The following PLS3 variants were observed in gnomAD, a reference collection of about 807,000 sequenced individuals.
PLS3 encodes the protein plastin-3.
Under a neutral mutation model 46.5 loss-of-function variants are expected in PLS3, and 11 were observed. The observed-to-expected ratio is 0.24, with a 90% confidence interval of 0.15 to 0.39. The LOEUF (loss-of-function observed/expected upper bound fraction) is 0.39, where lower values mean the gene tolerates loss of function less well. Among genes scored for constraint, PLS3 ranks in the 10% least tolerant of loss-of-function variants. The pLI is 1.00. For missense variants in PLS3, 308 were observed against 461.8 expected, an observed-to-expected ratio of 0.67 and a Z score of 3.05; for synonymous variants, 167 against 162.2, an observed-to-expected ratio of 1.03 and a Z score of -0.22.
At chrX:115,647,402 C>T (rs2147590121) in intron 13 of PLS3, 148 bp from the exon 14 acceptor site, 1 of 527,888 alleles carries the variant, frequency 1.9e-6, no homozygotes, top group African/African-American at 2.4e-5. Flanking sequence ...CCACTGCACT[C>T]CAGCCTGGGC....
intron 2 of PLS3, among the ~76,000 whole-genome samples, chrX:115,611,342 C>T (rs183454476): frequency 2.7e-5 from 3 of 111,480 alleles, no homozygotes; most frequent in Non-Finnish European, 3.8e-5. Context: ...CATGATCGCG[C>T]GCACGCGCGT....
Position 115,614,495 on chromosome X carries a change from AACTGCCTC to A in PLS3, c.73+4173_73+4180del. On this transcript the variant is annotated intron_variant, in intron 2 of 15. Transcript: ENST00000355899. ...GTCTACCCTTAGCTGGAACTCATTA[AACTGCCTC>A]TTATATTTGCTGCAGTGAGCTACCT... is the stretch of plus-strand genomic sequence containing the variant. 5 of 751,329 alleles carry A rather than the reference AACTGCCTC, an allele frequency of 6.7e-6. No individual in the cohort carries two copies. In the South Asian group the frequency reaches 2.7e-4, roughly 41 times the overall value. The allele number at this position is 751,329 out of a possible 1,213,427, so 61.9% of individuals were successfully genotyped here.
chrX:115,573,049 C>T (rs1486571296), intron 1 of PLS3, among the ~76,000 whole-genome samples: 30 of 98,283 alleles, frequency 3.1e-4, no homozygotes, highest in African/African-American at 8.9e-4. Flanking sequence ...GCCGGGATTG[C>T]GCCATTGCAC....
intron 2 of PLS3, among the ~76,000 whole-genome samples, chrX:115,616,560 G>T (rs1351371400): frequency 8.9e-6 from 1 of 112,209 alleles, no homozygotes; most frequent in East Asian, 2.8e-4. Context: ...CACCTGATGA[G>T]ATGGAAGCTT....
At chrX:115,620,706 CTTTTTTTTTTTTTTTTT>C (rs1176959674) in intron 2 of PLS3, among the ~76,000 whole-genome samples, 4 of 54,732 alleles carry the variant, frequency 7.3e-5, no homozygotes, top group African/African-American at 3.2e-4. Flanking sequence ...TTTTTCTTTT[CTTTTTTTTTTTTTTTTT>C]TTTTTTTGAG....
rs1352580018 is a variant in PLS3 at position 115,618,383 on chromosome X, G to A, written c.74-3863G>A. Reference sequence around the variant, plus strand: ...ATTTGAGGCCAGGAGTTTGAGATTAGCCTGGTCAATATAGTGAGACCCTGT... The same window carrying A: ...ATTTGAGGCCAGGAGTTTGAGATTAACCTGGTCAATATAGTGAGACCCTGT... On this transcript the variant is annotated intron_variant, in intron 2 of 15. Coordinates refer to ENST00000355899, the MANE Select transcript of PLS3 (RefSeq NM_005032.7). Among the ~76,000 whole-genome samples, 6 of 110,958 alleles carry A rather than the reference G, an allele frequency of 5.4e-5. No individual in the cohort carries two copies. The Admixed American group carries it at 5.8e-4, about 11-fold the overall frequency.
At position 115,646,499 on chromosome X, in the gene PLS3, C is replaced by T; in HGVS notation, c.1475C>T (p.Thr492Ile). ...CAAGACCTGAATGATGGGAACCAAA[C>T]CCTGACTTTAGCTTTAGTCTGGCAG... ...GGQDLNDGNQ[T>I]LTLALVWQLM... Residue 492 changes from threonine to isoleucine, a missense_variant, in exon 13 of 16, where the codon ACC becomes ATC. By Grantham distance (89) the Thr-to-Ile change is moderately conservative (BLOSUM62 -1). Transcript: ENST00000355899. 4.1e-6 allele frequency: 5 copies of T among 1,209,714 alleles called. No homozygotes were observed. The highest frequency in any genetic ancestry group is 5.6e-6 in the Non-Finnish European group (5 of 894,863).
chrX:115,647,097 A>G (rs1016269381), intron 13 of PLS3, among the ~76,000 whole-genome samples: 3 of 111,074 alleles, frequency 2.7e-5, no homozygotes, highest in Admixed American at 9.7e-5. Flanking sequence ...TTTTTTTCAC[A>G]TAGTGTGAAT....
At position 115,620,330 on chromosome X, in the gene PLS3, A is replaced by C. The variant is rs191899380; in HGVS notation, c.74-1916A>C. Among the ~76,000 whole-genome samples the C allele has an allele frequency of 3.6e-5, 4 of 110,993 alleles. No homozygotes were observed. The East Asian group carries it at 1.1e-3, about 31-fold the overall frequency. ...TGACTTTGCATTTGCTATTTTCTCT[A>C]CCCGAAATCTCTTGCCCCAGATAGC... is the stretch of plus-strand genomic sequence containing the variant. On this transcript the variant is annotated intron_variant, in intron 2 of 15. Coordinates refer to ENST00000355899, the MANE Select transcript of PLS3 (RefSeq NM_005032.7).
intron 1 of PLS3, among the ~76,000 whole-genome samples, chrX:115,604,551 G>A (rs977974145): frequency 9.0e-6 from 1 of 111,568 alleles, no homozygotes; most frequent in Non-Finnish European, 1.9e-5. Flanking sequence ...AGCAATAATC[G>A]ATGCCTTCTA....
At chrX:115,635,097 G>C (rs782819720) in intron 7 of PLS3, 51 bp downstream of exon 7, 2 of 1,073,557 alleles carry the variant, frequency 1.9e-6, no homozygotes, top group South Asian at 4.1e-5. Flanking sequence ...TTTTTTTCTA[G>C]TCATGCAGAC....
At position 115,583,385 on chromosome X, in the gene PLS3, T is replaced by C. The variant is rs1257332614; in HGVS notation, c.-9+22125T>C. On this transcript the variant is annotated intron_variant, in intron 1 of 15. Transcript: ENST00000355899. ...GTATTGTGTTTTGAAAGTGTATATATGTGCTTGCAGGAATTACATGGAAGA... is the reference window on the plus strand; with the variant it reads ...GTATTGTGTTTTGAAAGTGTATATACGTGCTTGCAGGAATTACATGGAAGA... Among the ~76,000 whole-genome samples, 14 of 112,779 alleles carry C rather than the reference T, an allele frequency of 1.2e-4. No homozygotes were observed. The Admixed American group carries it at 1.3e-3, about 11-fold the overall frequency.
intron 2 of PLS3, chrX:115,610,714 C>T (rs1035480342): frequency 5.7e-6 from 2 of 353,639 alleles, no homozygotes; most frequent in Non-Finnish European, 9.4e-6. Flanking sequence ...ATGTGACCCT[C>T]GAAAACATTA....
intron 1 of PLS3, among the ~76,000 whole-genome samples, chrX:115,607,585 A>G (rs1052471144): frequency 9.4e-6 from 1 of 106,404 alleles, no homozygotes; most frequent in Non-Finnish European, 1.9e-5. Flanking sequence ...TGCAACCTCT[A>G]CCTCCCAGGT....
intron 9 of PLS3, 118 bp downstream of exon 9, chrX:115,640,621 A>T (rs2074885151): frequency 2.2e-6 from 1 of 445,042 alleles, no homozygotes; most frequent in Non-Finnish European, 4.0e-6. Flanking sequence ...GCATTATTTT[A>T]AAATGTATTA....
intron 2 of PLS3, among the ~76,000 whole-genome samples, chrX:115,615,196 G>A (rs2147500536): frequency 9.0e-6 from 1 of 111,196 alleles, no homozygotes; most frequent in East Asian, 2.8e-4. Context: ...TAAAACAGCA[G>A]CTAAAATCAA....
chrX:115,569,992 A>G (rs2074202738), intron 1 of PLS3, among the ~76,000 whole-genome samples: 1 of 111,580 alleles, frequency 9.0e-6, no homozygotes, highest in Non-Finnish European at 1.9e-5. Context: ...GCTGGAGTAC[A>G]GTGGCACAAT....
At position 115,640,516 on chromosome X, in the gene PLS3, G is replaced by A. The variant is rs781820311; in HGVS notation, c.987+13G>A. The A allele has an allele frequency of 5.3e-6, 5 of 946,636 alleles. No individual in the cohort carries two copies. In the Admixed American group the frequency reaches 9.1e-5, roughly 17 times the overall value. The allele number at this position is 946,636 out of a possible 1,213,427, so 78.0% of individuals were successfully genotyped here. The stretch of plus-strand genomic sequence containing the variant: ...GTCAGGTTTCAATGTAAGTATAAGT[G>A]CTCTTTTGAATTCTACAATCTTGCA... On this transcript the variant is annotated intron_variant, in intron 9 of 15. Transcript: ENST00000355899.
At chrX:115,605,342 T>C (rs2074480283) in intron 1 of PLS3, among the ~76,000 whole-genome samples, 1 of 112,544 alleles carries the variant, frequency 8.9e-6, no homozygotes, top group South Asian at 3.6e-4. Flanking sequence ...CAATTAGAAA[T>C]AAGAAACTTG....
Sources: gnomAD v4.1 joint callset for allele counts (sites outside exome capture counted in the v4.1 genomes callset) on GRCh38, gnomAD v4.1.1 for gene constraint, MANE v1.5 for transcripts, NCBI Gene and HGNC (gene_info 2026-07-23, HGNC 2026-07-21) for gene names.